The following CYP51A1 variants were observed in gnomAD, a reference collection of about 807,000 sequenced individuals.
CYP51A1 encodes the protein cytochrome P450 family 51 subfamily A member 1, also known as lanosterol 14-alpha demethylase.
A neutral mutation model predicts 53.5 loss-of-function variants in CYP51A1; 45 were observed. That is an observed-to-expected ratio of 0.84 (90% CI 0.66 to 1.08). CYP51A1 has a LOEUF of 1.08. Ranked by LOEUF, CYP51A1 falls within the 50% of genes least tolerant of loss-of-function variation. The pLI, the probability that CYP51A1 is intolerant of heterozygous loss-of-function variation, is 0.00. For missense variants in CYP51A1, 462 were observed against 621.7 expected, an observed-to-expected ratio of 0.74 and a Z score of 2.73; for synonymous variants, 181 against 217.7, an observed-to-expected ratio of 0.83 and a Z score of 1.48.
intron 1 of CYP51A1, 92 bp from the exon 2 acceptor site, chr7:92,131,964 G>T (rs1819930767): frequency 2.7e-6 from 2 of 753,446 alleles, no homozygotes; most frequent in African/African-American, 2.1e-5. Context: ...AAACAAAATA[G>T]CTATTAAGAC....
chr7:92,129,868 A>G (rs1384611561), intron 2 of CYP51A1, among the ~76,000 whole-genome samples: 1 of 152,208 alleles, frequency 6.6e-6, no homozygotes, highest in Non-Finnish European at 1.5e-5. Context: ...AAGAATGAGG[A>G]GCTGGTTTGG....
chr7:92,134,204 G>C lies in CYP51A1; in HGVS notation c.161C>G (p.Ala54Gly). The change falls in exon 1 of 10, where the codon GCC (alanine) becomes GGC (glycine). Residue 54 changes from alanine to glycine, a missense_variant. By Grantham distance (60) the Ala-to-Gly change is moderately conservative (BLOSUM62 0). Coordinates refer to ENST00000003100, the MANE Select transcript of CYP51A1 (RefSeq NM_000786.4). ...TGCGGGCAGCTGGACCAGGTGGCCG[G>C]CGGCCAGACGGATCAGGTAGACCAG... ...LSLVYLIRLA[A>G]GHLVQLPAGV... is the part of the protein sequence containing the mutation. 1 of 1,612,538 alleles carries C rather than the reference G, an allele frequency of 6.2e-7. No homozygotes were observed. The highest frequency in any genetic ancestry group is 1.3e-5 in the African/African-American group (1 of 75,018).
chr7:92,134,474 T>C lies in CYP51A1; in HGVS notation c.-110A>G. ...ACAGGGGGCCTTGCCCCAGGTCTCC[T>C]ACTAAACCCAGCCCCACCCCTCGGG... On this transcript the variant is annotated 5_prime_UTR_variant, in exon 1 of 10. Transcript: ENST00000003100. The C allele has an allele frequency of 8.2e-7, 1 of 1,218,642 alleles. No homozygotes were observed. Among genetic ancestry groups the C allele is most frequent in the Non-Finnish European group, 1.1e-6 (1 of 896,294 alleles). 75.5% of individuals were successfully genotyped at this position (1,218,642 alleles called of 1,614,324 possible).
chr7:92,118,968 G>T (rs1488798384), intron 7 of CYP51A1, among the ~76,000 whole-genome samples: 1 of 152,190 alleles, frequency 6.6e-6, no homozygotes, highest in Non-Finnish European at 1.5e-5. Context: ...AAAGAAATCT[G>T]AATCTTGGTA....
rs748075593 is a variant in CYP51A1 at position 92,113,120 on chromosome 7, T to TA, written c.*544dup. On this transcript the variant is annotated 3_prime_UTR_variant, in exon 10 of 10. Coordinates refer to ENST00000003100, the MANE Select transcript of CYP51A1 (RefSeq NM_000786.4). ...TCCAAAGGATTTCTTTTTCCTATAA[T>TA]ATCTCCATTTCTGAGTATCATCATA... 2.6e-5 allele frequency: 4 copies of TA among 152,224 alleles called. No homozygotes were observed. The highest frequency in any genetic ancestry group is 4.4e-5 in the Non-Finnish European group (3 of 68,072). The allele number at this position is 152,224 out of a possible 1,614,324, so 9.4% of individuals were successfully genotyped here.
intron 4 of CYP51A1, 146 bp downstream of exon 4, chr7:92,127,359 G>A (rs925620564): frequency 1.4e-6 from 1 of 722,410 alleles, no homozygotes; most frequent in Non-Finnish European, 2.2e-6. Flanking sequence ...CAACTTCATG[G>A]TAATCATTAC....
intron 8 of CYP51A1, chr7:92,117,472 C>T (rs1819601186): frequency 3.5e-6 from 1 of 283,232 alleles, no homozygotes; most frequent in Non-Finnish European, 6.6e-6. Context: ...AAGATGATTT[C>T]CAGTGAGCCA....
Position 92,113,470 on chromosome 7 carries a change from T to C in CYP51A1, c.*195A>G, listed in dbSNP as rs528619115. 117 of 539,662 alleles carry C rather than the reference T, an allele frequency of 2.2e-4. No homozygotes were observed. The highest frequency in any genetic ancestry group is 1.9e-3 in the African/African-American group (94 of 50,654). The allele number at this position is 539,662 out of a possible 1,614,324, so 33.4% of individuals were successfully genotyped here. A position where few individuals can be genotyped will look rare whatever the true frequency, so the allele number is the denominator to read the frequency against. ...AGCACATGTATAAGTATCATAACTATTAGAAAATGTTTCAAATGCTATTAT... is the reference window on the plus strand; with the variant it reads ...AGCACATGTATAAGTATCATAACTACTAGAAAATGTTTCAAATGCTATTAT... On this transcript the variant is annotated 3_prime_UTR_variant, in exon 10 of 10. Transcript: ENST00000003100.
chr7:92,128,484 T>A (rs1819850777), intron 3 of CYP51A1, among the ~76,000 whole-genome samples: 1 of 140,948 alleles, frequency 7.1e-6, no homozygotes, highest in African/African-American at 3.0e-5. Context: ...GTGTGTTTGG[T>A]TTTTTGTTTC....
rs1167786409 is a variant in CYP51A1 at position 92,112,728 on chromosome 7, G to C, written c.*937C>G. On this transcript the variant is annotated 3_prime_UTR_variant, in exon 10 of 10. Transcript: ENST00000003100. ...GCCTGTAATCCCAACTACTTGGGAGGCTGAGGCAGAGAATTGCTTGAACCC... is the reference window on the plus strand; with the variant it reads ...GCCTGTAATCCCAACTACTTGGGAGCCTGAGGCAGAGAATTGCTTGAACCC... The C allele has an allele frequency of 1.3e-5, 2 of 151,988 alleles. No individual in the cohort carries two copies. Among genetic ancestry groups the C allele is most frequent in the African/African-American group, 4.8e-5 (2 of 41,332 alleles). 9.4% of individuals were successfully genotyped at this position (151,988 alleles called of 1,614,324 possible). A position where few individuals can be genotyped will look rare whatever the true frequency, so the allele number is the denominator to read the frequency against.
chr7:92,113,806 A>G lies in CYP51A1; in HGVS notation c.1389T>C (p.Val463=). Residue 463 remains valine (V), a synonymous_variant, in exon 10 of 10, where the codon GTT becomes GTC. Transcript: ENST00000003100. Reference sequence around the variant, plus strand: ...TAGTGGACCAAATTGTCTTAATTTGAACATAGGCAAAATTTTCCCCAATAC... The same window carrying G: ...TAGTGGACCAAATTGTCTTAATTTGGACATAGGCAAAATTTTCCCCAATAC... The part of the protein sequence containing the change: ...HRCIGENFAY[V]QIKTIWSTML... 6.2e-7 allele frequency: 1 copy of G among 1,608,142 alleles called. No individual in the cohort carries two copies. Among genetic ancestry groups the G allele is most frequent in the Non-Finnish European group, 8.5e-7 (1 of 1,178,222 alleles).
At chr7:92,127,751 G>A (rs968661524) in intron 3 of CYP51A1, 120 bp from the exon 4 acceptor site, 1 of 994,482 alleles carries the variant, frequency 1.0e-6, no homozygotes, top group Admixed American at 2.4e-5. Flanking sequence ...AACCCTTTGG[G>A]CATTTACATT....
In CYP51A1 at chr7:92,128,897, A is replaced by C. The variant is rs312262912; in HGVS notation, c.451T>G (p.Tyr151Asp). 5 of 1,611,710 alleles carry C rather than the reference A, an allele frequency of 3.1e-6. No individual in the cohort carries two copies. Among genetic ancestry groups the C allele is most frequent in the African/African-American group, 1.3e-5 (1 of 74,866 alleles). Residue 151 changes from tyrosine to aspartate, a missense_variant, in exon 3 of 10, where the codon TAC becomes GAC. Coordinates refer to ENST00000003100, the MANE Select transcript of CYP51A1 (RefSeq NM_000786.4). ...TCACCTACTGGATTAGGCACATCGTATGCAACTCCCTTCCCAAACACAGGT... is the reference window on the plus strand; with the variant it reads ...TCACCTACTGGATTAGGCACATCGTCTGCAACTCCCTTCCCAAACACAGGT... ...TTPVFGKGVA[Y>D]DVPNPVFLEQ... is the part of the protein sequence containing the mutation.
rs890488431 is a variant in CYP51A1 at position 92,127,581 on chromosome 7, G to A, written c.519C>T (p.His173=). ...CAATTATAGAAACATGCTGTTTAAA[G>A]TGGGCTATGTTAAGGCCACTTTTTA... The part of the protein sequence containing the change: ...KMLKSGLNIA[H]FKQHVSIIEK... Residue 173 remains histidine, a synonymous_variant, in exon 4 of 10, where the codon CAC becomes CAT. Transcript: ENST00000003100. 6.2e-7 allele frequency: 1 copy of A among 1,612,976 alleles called. No homozygotes were observed. The highest frequency in any genetic ancestry group is 8.5e-7 in the Non-Finnish European group (1 of 1,179,518).
chr7:92,119,551 T>C (rs1240769633), intron 7 of CYP51A1, among the ~76,000 whole-genome samples: 1 of 152,072 alleles, frequency 6.6e-6, no homozygotes, highest in Non-Finnish European at 1.5e-5. Context: ...GTGACCTCAC[T>C]GAACAAGGAA....
intron 7 of CYP51A1, 115 bp from the exon 8 acceptor site, chr7:92,118,730 A>G: frequency 3.0e-6 from 2 of 656,062 alleles, no homozygotes; most frequent in Non-Finnish European, 5.5e-6. Flanking sequence ...AAAAGTACAG[A>G]GGTAACTGGT....
intron 7 of CYP51A1, among the ~76,000 whole-genome samples, chr7:92,120,958 C>T (rs1819679729): frequency 6.6e-6 from 1 of 152,106 alleles, no homozygotes; most frequent in Admixed American, 6.6e-5. Flanking sequence ...CATCATAAGA[C>T]ACTCAACATC....
At chr7:92,128,465 T>TGC (rs1819849498) in intron 3 of CYP51A1, among the ~76,000 whole-genome samples, 8 of 146,056 alleles carry the variant, frequency 5.5e-5, no homozygotes, top group Non-Finnish European at 9.3e-5. Flanking sequence ...TGCGCGTGCG[T>TGC]GTGTGTGTGT....
At position 92,128,919 on chromosome 7, in the gene CYP51A1, A is replaced by G. The variant is rs754015654; in HGVS notation, c.429T>C (p.Pro143=). 5.6e-6 allele frequency: 9 copies of G among 1,612,202 alleles called. No individual in the cohort carries two copies. In the East Asian group the frequency reaches 2.0e-4, roughly 36 times the overall value. The part of the protein sequence containing the change: ...AEDVYSRLTT[P]VFGKGVAYDV... ...CGTATGCAACTCCCTTCCCAAACACAGGTGTTGTCAGGCGACTGTAGACAT... is the reference window on the plus strand; with the variant it reads ...CGTATGCAACTCCCTTCCCAAACACGGGTGTTGTCAGGCGACTGTAGACAT... The change falls in exon 3 of 10, where the codon CCT becomes CCC. Residue 143 remains proline, a synonymous_variant. Coordinates refer to ENST00000003100, the MANE Select transcript of CYP51A1 (RefSeq NM_000786.4).
Sources: gnomAD v4.1 joint callset for allele counts (sites outside exome capture counted in the v4.1 genomes callset) on GRCh38, gnomAD v4.1.1 for gene constraint, MANE v1.5 for transcripts, NCBI Gene and HGNC (gene_info 2026-07-23, HGNC 2026-07-21) for gene names.